Variants in DAB1 observed in about 807,000 individuals in gnomAD.
DAB1 encodes DAB adaptor protein 1, also known as disabled homolog 1.
In DAB1, 15 loss-of-function variants were observed where a neutral mutation model predicts 64.6. The observed-to-expected ratio is 0.23, with a 90% CI of 0.16 to 0.36. The LOEUF (loss-of-function observed/expected upper bound fraction) is 0.36, where lower values mean the gene tolerates loss of function less well. Among genes scored for constraint, DAB1 ranks in the 10% least tolerant of loss-of-function variants. The probability of loss-of-function intolerance (pLI) is 1.00; values close to 1 mark genes in which losing one functional copy is unlikely to be tolerated. For missense variants in DAB1, 596 were observed against 706.7 expected (o/e 0.84, Z 1.78); for synonymous variants, 235 against 251.9 (o/e 0.93, Z 0.64).
intron 5 of DAB1, among the ~76,000 whole-genome samples, chr1:58,118,900 C>G (rs1205794969): frequency 2.6e-5 from 4 of 151,856 alleles, no homozygotes; most frequent in African/African-American, 9.7e-5. Flanking sequence ...GCTGTCCAAT[C>G]GAACTTTCTG....
At chr1:57,062,612 C>A (rs560352576) in intron 9 of DAB1, among the ~76,000 whole-genome samples, 28 of 152,168 alleles carry the variant, frequency 1.8e-4, no homozygotes, top group Non-Finnish European at 3.8e-4. Flanking sequence ...GACCTTGAGG[C>A]CCTTAAACAG....
intron 7 of DAB1, among the ~76,000 whole-genome samples, chr1:57,500,399 A>C (rs1164989279): frequency 6.6e-6 from 1 of 152,244 alleles, no homozygotes; most frequent in Non-Finnish European, 1.5e-5. Context: ...AGAAAATAAA[A>C]TCAGTAGCAG....
intron 1 of DAB1, among the ~76,000 whole-genome samples, chr1:57,318,754 AT>A (rs201415053): frequency 1.9e-4 from 27 of 139,108 alleles, no homozygotes; most frequent in Non-Finnish European, 2.6e-4. Context: ...AAAAAAAAAA[AT>A]TTCATCGGAT....
intron 6 of DAB1, among the ~76,000 whole-genome samples, chr1:57,777,343 T>C (rs115860155): frequency 0.025 from 3,717 of 151,426 alleles, 86 homozygotes; most frequent in Non-Finnish European, 0.034. Context: ...AATCTTTGAG[T>C]TTATAGTCAA....
At chr1:57,240,680 C>A (rs750615396) in intron 2 of DAB1, among the ~76,000 whole-genome samples, 3 of 152,114 alleles carry the variant, frequency 2.0e-5, no homozygotes, top group African/African-American at 7.2e-5. Context: ...GAATAAGAGA[C>A]AAGAATGATG....
intron 4 of DAB1, among the ~76,000 whole-genome samples, chr1:58,337,273 C>T (rs1467877938): frequency 6.9e-6 from 1 of 144,736 alleles, no homozygotes; most frequent in Admixed American, 6.9e-5. Flanking sequence ...CAGAGCGAGA[C>T]TCTGTCTCAA....
intron 5 of DAB1, among the ~76,000 whole-genome samples, chr1:58,132,129 C>G (rs536401242): frequency 1.3e-5 from 2 of 152,190 alleles, no homozygotes; most frequent in African/African-American, 2.4e-5. Flanking sequence ...GCGTAGGACC[C>G]TCCAAGCCAG....
In DAB1 at chr1:57,380,157, C is replaced by T. The variant is rs141633787; in HGVS notation, c.-137+43773G>A. 6.1e-3 allele frequency among the ~76,000 whole-genome samples: 934 copies of T among 152,272 alleles called. 3 individuals carry two copies. Among genetic ancestry groups the T allele is most frequent in the Non-Finnish European group, 9.6e-3 (655 of 68,026 alleles). ...TTTCCTTTAATCCCACAACAACCCT[C>T]TGAAGTAGGTCATATTATTTTCATT... On this transcript the variant is annotated intron_variant, in intron 1 of 14. Coordinates refer to ENST00000371236, the MANE Select transcript of DAB1 (RefSeq NM_001365792.1).
intron 5 of DAB1, among the ~76,000 whole-genome samples, chr1:57,941,851 G>C (rs1251426672): frequency 1.3e-5 from 2 of 151,972 alleles, no homozygotes; most frequent in Non-Finnish European, 2.9e-5. Flanking sequence ...AAAAAGAAAA[G>C]AAATCTAATG....
chr1:57,296,705 G>A (rs1220317770), intron 1 of DAB1, among the ~76,000 whole-genome samples: 2 of 152,132 alleles, frequency 1.3e-5, no homozygotes, highest in African/African-American at 4.8e-5. Flanking sequence ...AATCTATACT[G>A]ATGACAGACA....
At chr1:57,836,050 A>G (rs1238133774) in intron 1 of DAB1, among the ~76,000 whole-genome samples, 2 of 152,198 alleles carry the variant, frequency 1.3e-5, no homozygotes, top group Admixed American at 6.5e-5. Flanking sequence ...GTCATACTTC[A>G]TGGACAAGTT....
chr1:57,997,575 T>C (rs1399342372), intron 5 of DAB1, among the ~76,000 whole-genome samples: 1 of 152,110 alleles, frequency 6.6e-6, no homozygotes, highest in Non-Finnish European at 1.5e-5. Flanking sequence ...CTCCTACAGA[T>C]TTGCCACCAC....
At chr1:57,462,056 C>A (rs1686802792) in intron 7 of DAB1, among the ~76,000 whole-genome samples, 1 of 146,538 alleles carries the variant, frequency 6.8e-6, no homozygotes. Flanking sequence ...CAGGTTCAAG[C>A]AATTCTCCTG....
At chr1:57,687,548 T>TCATATGTAA (rs1646712762) in intron 6 of DAB1, among the ~76,000 whole-genome samples, 1 of 122,164 alleles carries the variant, frequency 8.2e-6, no homozygotes, top group African/African-American at 3.2e-5. Context: ...ATTCTAAAAC[T>TCATATGTAA]CATATGTAAC....
chr1:57,337,619 A>T (rs969513526), intron 1 of DAB1, among the ~76,000 whole-genome samples: 3 of 152,186 alleles, frequency 2.0e-5, no homozygotes, highest in Admixed American at 2.0e-4. Flanking sequence ...ATTTTGTGTA[A>T]TCCCATGATG....
chr1:57,061,232 G>GGA (rs1557650818), intron 9 of DAB1, among the ~76,000 whole-genome samples: 1 of 149,088 alleles, frequency 6.7e-6, no homozygotes, highest in African/African-American at 2.5e-5. Flanking sequence ...TTTAGATGGG[G>GGA]GGGGGGGGTG....
chr1:57,125,951 T>C (rs1221730857), intron 4 of DAB1, among the ~76,000 whole-genome samples: 1 of 152,118 alleles, frequency 6.6e-6, no homozygotes, highest in Non-Finnish European at 1.5e-5. Flanking sequence ...TTCAGTGCAA[T>C]TCCACAAATA....
intron 4 of DAB1, among the ~76,000 whole-genome samples, chr1:58,316,901 A>G (rs532572390): frequency 7.9e-5 from 12 of 152,234 alleles, no homozygotes; most frequent in South Asian, 4.1e-4. Context: ...TCTGAGTTGT[A>G]TGACAATAGC....
chr1:58,231,318 C>T (rs1659765616), intron 4 of DAB1, among the ~76,000 whole-genome samples: 3 of 152,082 alleles, frequency 2.0e-5, no homozygotes, highest in Admixed American at 6.5e-5. Context: ...AGCTTATTAC[C>T]CAAACATTCT....
Sources: gnomAD v4.1 joint callset for allele counts (sites outside exome capture counted in the v4.1 genomes callset) on GRCh38, gnomAD v4.1.1 for gene constraint, MANE v1.5 for transcripts, NCBI Gene and HGNC (gene_info 2026-07-23, HGNC 2026-07-21) for gene names.